EPG5: variants seen among roughly 807,000 people sequenced by gnomAD.
EPG5 encodes ectopic P-granules 5 autophagy tethering factor.
In EPG5, 159 loss-of-function variants were observed where a neutral mutation model predicts 302.7. The ratio of observed to expected loss-of-function variants is 0.53; its 90% CI spans 0.46 to 0.60. The LOEUF is 0.60. EPG5 is among the 20% of genes least tolerant of loss of function. The pLI is 0.00. For missense variants in EPG5, 2,896 were observed against 3,092.4 expected (o/e 0.94, Z 1.51); for synonymous variants, 1,158 against 1,136.8 (o/e 1.02, Z -0.37).
intron 14 of EPG5, among the ~76,000 whole-genome samples, chr18:45,924,306 C>A (rs530901490): frequency 6.6e-6 from 1 of 152,202 alleles, no homozygotes; most frequent in East Asian, 1.9e-4. Flanking sequence ...TGATTCTGTT[C>A]ACAAGCCAGA....
At chr18:45,813,647 C>G in the EPG5 span, among the ~76,000 whole-genome samples, 872 of 152,046 alleles carry the variant, frequency 5.7e-3, 9 homozygotes, top group African/African-American at 0.02. Flanking sequence ...CCATCATTCT[C>G]AGCAAACTCT....
chr18:45,923,211 C>A, intron 15 of EPG5, 57 bp downstream of exon 15: 1 of 1,578,174 alleles, frequency 6.3e-7, no homozygotes, highest in South Asian at 1.1e-5. Context: ...ATCTTTATTT[C>A]TAAATGTCTT....
intron 2 of EPG5, chr18:45,953,231 G>C (rs1370841787): frequency 8.6e-6 from 8 of 927,536 alleles, no homozygotes; most frequent in Non-Finnish European, 1.0e-5. Context: ...TTGTCCCTAA[G>C]ACTTTCATGA....
intron 39 of EPG5, among the ~76,000 whole-genome samples, chr18:45,863,007 T>G (rs2145232294): frequency 6.6e-6 from 1 of 152,298 alleles, no homozygotes; most frequent in Non-Finnish European, 1.5e-5. Context: ...AGTTACTGAT[T>G]TTTTTTTCTT....
chr18:45,920,312 C>G (rs1186174445), intron 16 of EPG5, among the ~76,000 whole-genome samples: 4 of 152,138 alleles, frequency 2.6e-5, no homozygotes, highest in Admixed American at 2.0e-4. Context: ...GTGTGCTGTT[C>G]AGAATGTACA....
chr18:45,857,707 T>C (rs753854275), intron 42 of EPG5, 146 bp downstream of exon 42: 1 of 625,714 alleles, frequency 1.6e-6, no homozygotes, highest in Non-Finnish European at 2.7e-6. Flanking sequence ...GGCTCTGTTT[T>C]TTTTTTCTTT....
chr18:45,925,710 G>C, intron 14 of EPG5, 28 bp downstream of exon 14: 1 of 1,428,126 alleles, frequency 7.0e-7, no homozygotes, highest in South Asian at 1.7e-5. Flanking sequence ...ACAACCTCCA[G>C]TCTCCAGGGA....
intron 27 of EPG5, among the ~76,000 whole-genome samples, chr18:45,895,932 T>C (rs1169331933): frequency 6.6e-6 from 1 of 152,232 alleles, no homozygotes; most frequent in Non-Finnish European, 1.5e-5. Context: ...CATTTGGGTA[T>C]TGGATGGCTT....
At chr18:45,963,230 G>A (rs1388684557) in intron 1 of EPG5, among the ~76,000 whole-genome samples, 1 of 152,182 alleles carries the variant, frequency 6.6e-6, no homozygotes. Flanking sequence ...GTGACACCAG[G>A]AAGATGAGAA....
intron 1 of EPG5, among the ~76,000 whole-genome samples, chr18:45,963,641 AAAAAG>A (rs1161016289): frequency 8.5e-5 from 13 of 152,162 alleles, no homozygotes; most frequent in African/African-American, 2.9e-4. Context: ...TCTCAAAAAG[AAAAAG>A]AAAAGAAAAG....
Position 45,916,487 on chromosome 18 carries a change from G to A in EPG5, c.3335C>T (p.Thr1112Ile). ...CACGTTGTCCCCATGGCTGGCTCCT[G>A]TCAGGTGCTGTGCCACCTTGTGGGT... ...QVTHKVAQHL[T>I]GASHGDNVKL... The change falls in exon 18 of 44, where the codon ACA (threonine) becomes ATA (isoleucine). Residue 1112 changes from threonine to isoleucine, a missense_variant. By Grantham distance (89) the Thr-to-Ile change is moderately conservative. Coordinates refer to ENST00000282041, the MANE Select transcript of EPG5 (RefSeq NM_020964.3). 1 of 1,613,802 alleles carries A rather than the reference G, an allele frequency of 6.2e-7. No homozygotes were observed. The highest frequency in any genetic ancestry group is 1.1e-5 in the South Asian group (1 of 91,080).
chr18:45,936,853 C>A (rs1305610771), intron 10 of EPG5, among the ~76,000 whole-genome samples: 1 of 147,312 alleles, frequency 6.8e-6, no homozygotes, highest in South Asian at 2.1e-4. Context: ...ACAACTACTA[C>A]AAATCATCCA....
intron 30 of EPG5, among the ~76,000 whole-genome samples, chr18:45,882,795 G>A (rs1042556105): frequency 6.6e-6 from 1 of 152,026 alleles, no homozygotes; most frequent in Admixed American, 6.6e-5. Context: ...ATCACCTGAG[G>A]TCGGGAGTTC....
intron 11 of EPG5, among the ~76,000 whole-genome samples, chr18:45,933,948 A>C (rs544483026): frequency 4.6e-5 from 7 of 152,262 alleles, no homozygotes; most frequent in African/African-American, 1.7e-4. Context: ...TACAACATAC[A>C]TCTAATTAAA....
At chr18:45,862,873 T>G (rs771168196) in intron 39 of EPG5, among the ~76,000 whole-genome samples, 1 of 152,252 alleles carries the variant, frequency 6.6e-6, no homozygotes, top group Non-Finnish European at 1.5e-5. Context: ...CAAATTTTGA[T>G]GCACTGTATT....
chr18:45,838,605 C>G, the EPG5 span: 1 of 1,364,354 alleles, frequency 7.3e-7, no homozygotes, highest in Non-Finnish European at 9.6e-7. Flanking sequence ...GGCAGCCTGG[C>G]ACCCAAGTGC....
the EPG5 span, among the ~76,000 whole-genome samples, chr18:45,810,625 AC>A: frequency 6.6e-6 from 1 of 152,162 alleles, no homozygotes; most frequent in Non-Finnish European, 1.5e-5. Context: ...TACTAAAAAT[AC>A]AAAAATTAGC....
intron 29 of EPG5, among the ~76,000 whole-genome samples, chr18:45,885,296 A>G (rs1350934060): frequency 2.6e-5 from 4 of 152,006 alleles, no homozygotes; most frequent in Non-Finnish European, 5.9e-5. Context: ...CTGACATCAC[A>G]CCATTGCACT....
chr18:45,946,797 A>C (rs1427733735), intron 6 of EPG5, 29 bp from the exon 7 acceptor site: 1 of 1,575,516 alleles, frequency 6.3e-7, no homozygotes, highest in Admixed American at 1.7e-5. Context: ...CACTCCCATC[A>C]CTTAGATGTA....
Sources: allele counts gnomAD v4.1 joint callset (sites outside exome capture counted in the v4.1 genomes callset), GRCh38; gene constraint gnomAD v4.1.1; transcripts MANE v1.5; gene names NCBI Gene and HGNC (gene_info 2026-07-23, HGNC 2026-07-21).